Variants in PTPRG observed in about 807,000 individuals in gnomAD.
The protein encoded by PTPRG is receptor-type tyrosine-protein phosphatase gamma.
Under a neutral mutation model 165.3 loss-of-function variants are expected in PTPRG, and 102 were observed. The observed-to-expected ratio is 0.62, with a 90% CI of 0.53 to 0.73. The LOEUF (loss-of-function observed/expected upper bound fraction) is 0.73. PTPRG is among the 30% of genes least tolerant of loss of function. The pLI is 0.00. For synonymous variants in PTPRG, 675 were observed against 669.5 expected, an observed-to-expected ratio of 1.01 and a Z score of -0.13; for missense variants, 1,866 against 1,861.4, an observed-to-expected ratio of 1.00 and a Z score of -0.05.
intron 5 of PTPRG, among the ~76,000 whole-genome samples, chr3:62,121,174 C>T (rs531542662): frequency 6.0e-5 from 9 of 150,700 alleles, no homozygotes; most frequent in Non-Finnish European, 1.0e-4. Flanking sequence ...AGGATGATCT[C>T]GATCTCCTGA....
At chr3:62,078,611 T>G (rs1210307767) in intron 5 of PTPRG, among the ~76,000 whole-genome samples, 4 of 152,286 alleles carry the variant, frequency 2.6e-5, no homozygotes, top group African/African-American at 9.6e-5. Flanking sequence ...ACTTTAAAAT[T>G]TGACATTACT....
At chr3:62,146,938 A>G (rs980366162) in intron 6 of PTPRG, among the ~76,000 whole-genome samples, 1 of 152,196 alleles carries the variant, frequency 6.6e-6, no homozygotes, top group Admixed American at 6.5e-5. Flanking sequence ...TTAGCCATGT[A>G]TGAAAGACCT....
At chr3:61,608,133 C>A (rs1381099999) in intron 1 of PTPRG, among the ~76,000 whole-genome samples, 1 of 151,998 alleles carries the variant, frequency 6.6e-6, no homozygotes, top group Non-Finnish European at 1.5e-5. Flanking sequence ...GGGCAGAAGG[C>A]TTATCGGGGA....
rs2040232912 is a variant in PTPRG at position 61,964,904 on chromosome 3, G to A, written c.191-24721G>A. 2.0e-5 allele frequency among the ~76,000 whole-genome samples: 3 copies of A among 151,916 alleles called. No homozygotes were observed. The South Asian group carries it at 6.2e-4, about 32-fold the overall frequency. On this transcript the variant is annotated intron_variant, in intron 2 of 29. Transcript: ENST00000474889. ...GATTAGTATCTCTTTGAATTGTTCA[G>A]CCTTTAAAAAAAATCCAATCAAAAT...
chr3:61,997,244 T>G lies in PTPRG; in HGVS notation c.371-6105T>G, dbSNP rs930507653. Among the ~76,000 whole-genome samples, 12 of 152,184 alleles carry G rather than the reference T, an allele frequency of 7.9e-5. 1 individual carries two copies. The highest frequency in any genetic ancestry group is 1.2e-4 in the Non-Finnish European group (8 of 68,036). ...CACTTATTTCTACTGACAGCATTGC[T>G]TTCCTCCCAGGCCTTCTCCACAGAG... On this transcript the variant is annotated intron_variant, in intron 3 of 29. Transcript: ENST00000474889.
intron 2 of PTPRG, among the ~76,000 whole-genome samples, chr3:61,828,706 G>A (rs1235837384): frequency 6.6e-6 from 1 of 152,208 alleles, no homozygotes; most frequent in African/African-American, 2.4e-5. Context: ...TATTGGACTT[G>A]AGCCAATGGG....
At chr3:61,738,420 A>G (rs2032846077) in intron 1 of PTPRG, among the ~76,000 whole-genome samples, 1 of 150,590 alleles carries the variant, frequency 6.6e-6, no homozygotes, top group Non-Finnish European at 1.5e-5. Flanking sequence ...TAAAAGGCCT[A>G]TATAAAAGGC....
chr3:61,617,092 T>C (rs536408562), intron 1 of PTPRG, among the ~76,000 whole-genome samples: 2 of 152,326 alleles, frequency 1.3e-5, no homozygotes, highest in African/African-American at 4.8e-5. Flanking sequence ...AGGGACAATG[T>C]TATAAAAGAT....
At chr3:62,009,486 C>T (rs1347615757) in intron 4 of PTPRG, among the ~76,000 whole-genome samples, 2 of 152,166 alleles carry the variant, frequency 1.3e-5, no homozygotes, top group Non-Finnish European at 2.9e-5. Flanking sequence ...CCTTGACCTC[C>T]TACTGCACTC....
At chr3:62,137,135 A>C (rs1703739463) in intron 6 of PTPRG, among the ~76,000 whole-genome samples, 1 of 152,194 alleles carries the variant, frequency 6.6e-6, no homozygotes, top group Admixed American at 6.5e-5. Flanking sequence ...TATCTAATCA[A>C]GTATTTTATT....
chr3:62,288,902 T>G (rs535929391), intron 28 of PTPRG, among the ~76,000 whole-genome samples: 1 of 152,182 alleles, frequency 6.6e-6, no homozygotes, highest in Non-Finnish European at 1.5e-5. Flanking sequence ...TGGGCTTTGG[T>G]GTCTGTTTAA....
rs1197304913 is a variant in PTPRG at position 62,295,665 on chromosome 3, G to A, written c.*2358G>A. The A allele has an allele frequency of 6.6e-6, 1 of 152,100 alleles. No individual in the cohort carries two copies. Among genetic ancestry groups the A allele is most frequent in the Non-Finnish European group, 1.5e-5 (1 of 68,000 alleles). The allele number at this position is 152,100 out of a possible 1,614,324, so 9.4% of individuals were successfully genotyped here. A position where few individuals can be genotyped will look rare whatever the true frequency, so the allele number is the denominator to read the frequency against. On this transcript the variant is annotated 3_prime_UTR_variant, in exon 30 of 30. Coordinates refer to ENST00000474889, the MANE Select transcript of PTPRG (RefSeq NM_002841.4). The stretch of plus-strand genomic sequence containing the variant: ...TAGAAGTTCCCTGTGAGCAATCTGT[G>A]TGTCTTCAGCGAGCTTGAACCAAAG...
intron 4 of PTPRG, among the ~76,000 whole-genome samples, chr3:62,074,180 AGTGTGTGTGTGTGTGTGT>A (rs140019903): frequency 4.7e-4 from 68 of 143,686 alleles, no homozygotes; most frequent in African/African-American, 1.7e-3. Context: ...AAAAAGTGAG[AGTGTGTGTGTGTGTGTGT>A]GTGTGTGTGT....
chr3:62,071,009 A>G (rs746080918), intron 4 of PTPRG, among the ~76,000 whole-genome samples: 2 of 150,518 alleles, frequency 1.3e-5, no homozygotes, highest in African/African-American at 2.4e-5. Flanking sequence ...CTCCTATGTG[A>G]TTTTTAATTC....
chr3:61,712,691 A>G (rs1559569462), intron 1 of PTPRG, among the ~76,000 whole-genome samples: 1 of 152,202 alleles, frequency 6.6e-6, no homozygotes, highest in Non-Finnish European at 1.5e-5. Flanking sequence ...TACTGAGTCA[A>G]TTAAACCTCC....
At chr3:61,779,036 T>C (rs141263002) in intron 2 of PTPRG, among the ~76,000 whole-genome samples, 2,062 of 152,062 alleles carry the variant, frequency 0.014, 27 homozygotes, top group Middle Eastern at 0.071. Context: ...TGATGAAAAA[T>C]AATCATTTCA....
Position 61,940,656 on chromosome 3 carries a change from TATTTATTTATTTA to T in PTPRG, c.191-48968_191-48956del, listed in dbSNP as rs1559701747. ...TATGGATTCAGTAGATGCTTTTATTTATTTATTTATTTATTTTTTATTTTTTTGACAGAGTCTC... is the reference window on the plus strand; with the variant it reads ...TATGGATTCAGTAGATGCTTTTATTTTTTTTTATTTTTTTGACAGAGTCTC... On this transcript the variant is annotated intron_variant, in intron 2 of 29. Transcript: ENST00000474889. 4.7e-3 allele frequency among the ~76,000 whole-genome samples: 431 copies of T among 91,748 alleles called. 1 individual carries two copies. Among genetic ancestry groups the T allele is most frequent in the African/African-American group, 0.014 (413 of 29,168 alleles). 60.2% of individuals were successfully genotyped at this position (91,748 alleles called of 152,430 possible).
At chr3:62,290,861 G>A (rs1358408473) in intron 28 of PTPRG, among the ~76,000 whole-genome samples, 1 of 152,026 alleles carries the variant, frequency 6.6e-6, no homozygotes, top group Non-Finnish European at 1.5e-5. Context: ...GTTAGAGAAA[G>A]CATTCTCAAA....
chr3:62,025,923 A>G (rs1458925256), intron 4 of PTPRG, among the ~76,000 whole-genome samples: 1 of 152,230 alleles, frequency 6.6e-6, no homozygotes, highest in Non-Finnish European at 1.5e-5. Context: ...TACATTTCTA[A>G]TCACAAGTTT....
Sources: gnomAD v4.1 joint callset for allele counts (sites outside exome capture counted in the v4.1 genomes callset) on GRCh38, gnomAD v4.1.1 for gene constraint, MANE v1.5 for transcripts, NCBI Gene and HGNC (gene_info 2026-07-23, HGNC 2026-07-21) for gene names.